Variants in NBEAL1 observed in about 807,000 individuals in gnomAD.
NBEAL1 encodes the protein neurobeachin like 1.
Under a neutral mutation model 351.3 loss-of-function variants are expected in NBEAL1, and 273 were observed. The observed-to-expected ratio is 0.78, with a 90% confidence interval of 0.70 to 0.86. The LOEUF (loss-of-function observed/expected upper bound fraction) is 0.86, where lower values mean the gene tolerates loss of function less well. Ranked by LOEUF, NBEAL1 falls within the 40% of genes least tolerant of loss-of-function variation. The probability of loss-of-function intolerance (pLI) is 0.00; values close to 1 mark genes in which losing one functional copy is unlikely to be tolerated. For synonymous variants in NBEAL1, 1,050 were observed against 1,086.4 expected (o/e 0.97, Z 0.66); for missense variants, 2,961 against 3,201.3 (o/e 0.92, Z 1.81).
rs893486620 is a variant in NBEAL1, at chr2:203,119,169, A to AT, written c.2593-3071dup. Among the ~76,000 whole-genome samples, 787 of 141,714 alleles carry AT rather than the reference A, an allele frequency of 5.6e-3. 5 individuals are homozygous for AT. Among genetic ancestry groups the AT allele is most frequent in the Middle Eastern group, 0.011 (3 of 276 alleles). 93.0% of individuals were successfully genotyped at this position (141,714 alleles called of 152,430 possible). On this transcript the variant is annotated intron_variant, in intron 18 of 55. Transcript: ENST00000683969. ...TAAATTTGGGGGACTGTTGGATTCT[A>AT]TTTTTTTTTTTTTTAAAGACAGGGT...
chr2:203,016,046 T>C (rs1264246311), intron 1 of NBEAL1, 110 bp from the exon 2 acceptor site: 1 of 183,426 alleles, frequency 5.5e-6, no homozygotes, highest in Non-Finnish European at 1.1e-5. Flanking sequence ...TGTGAAAGTA[T>C]AGCGGGTTGT....
At chr2:203,133,830 A>G (rs1273777569) in intron 27 of NBEAL1, among the ~76,000 whole-genome samples, 1 of 151,422 alleles carries the variant, frequency 6.6e-6, no homozygotes, top group African/African-American at 2.4e-5. Context: ...AGAAAAATAT[A>G]TATATTTGTT....
intron 2 of NBEAL1, among the ~76,000 whole-genome samples, chr2:203,019,910 A>G (rs1334423903): frequency 1.3e-5 from 2 of 152,312 alleles, no homozygotes; most frequent in East Asian, 3.9e-4. Flanking sequence ...TACCAGTTTC[A>G]GTTTTTAGCA....
intron 7 of NBEAL1, 63 bp from the exon 8 acceptor site, chr2:203,077,689 A>C: frequency 3.1e-6 from 3 of 976,890 alleles, no homozygotes; most frequent in Non-Finnish European, 4.2e-6. Context: ...GACATTCCTT[A>C]GAGATAAATC....
chr2:203,197,360 C>A lies in NBEAL1; in HGVS notation c.7097C>A (p.Ser2366Tyr), dbSNP rs768811439. 1.9e-6 allele frequency: 3 copies of A among 1,603,460 alleles called. No individual in the cohort carries two copies. In the East Asian group the frequency reaches 6.7e-5, roughly 36 times the overall value. Residue 2366 changes from serine (S) to tyrosine (Y), a missense_variant, in exon 48 of 56, where the codon TCT becomes TAT. By Grantham distance (144) the Ser-to-Tyr change is moderately radical. Transcript: ENST00000683969. ...KATIPKNQYRSFMSQGSPELL... is the reference protein window; with the variant it reads ...KATIPKNQYRYFMSQGSPELL... ...ACCATCCCCAAAAATCAGTATCGTTCTTTTATGTCTCAAGGCAGCCCTGAG... is the reference window on the plus strand; with the variant it reads ...ACCATCCCCAAAAATCAGTATCGTTATTTTATGTCTCAAGGCAGCCCTGAG...
In NBEAL1 at chr2:203,191,391, T is replaced by C. The variant is rs1303676703; in HGVS notation, c.6921+1002T>C. 4 of 266,312 alleles carry C rather than the reference T, an allele frequency of 1.5e-5. No individual in the cohort carries two copies. In the East Asian group the frequency reaches 2.1e-4, roughly 14 times the overall value. The allele number at this position is 266,312 out of a possible 1,614,324, so 16.5% of individuals were successfully genotyped here. A position where few individuals can be genotyped will look rare whatever the true frequency, so the allele number is the denominator to read the frequency against. On this transcript the variant is annotated intron_variant, in intron 46 of 55. Coordinates refer to ENST00000683969, the MANE Select transcript of NBEAL1 (RefSeq NM_001378026.1). ...AATCAAATTATTAAATATTACTACA[T>C]ATATTTCTTTCCCTATACTGGTATC...
At chr2:203,150,477 A>G (rs1013489447) in intron 34 of NBEAL1, among the ~76,000 whole-genome samples, 2 of 151,992 alleles carry the variant, frequency 1.3e-5, no homozygotes, top group Admixed American at 1.3e-4. Flanking sequence ...GATCATATAT[A>G]TGATTTTCAG....
At chr2:203,023,112 A>T (rs939848407) in intron 2 of NBEAL1, among the ~76,000 whole-genome samples, 1 of 152,220 alleles carries the variant, frequency 6.6e-6, no homozygotes, top group Admixed American at 6.5e-5. Flanking sequence ...AAATGGAATT[A>T]GTGAATATCT....
At chr2:203,128,241 C>T (rs1314434098) in intron 24 of NBEAL1, among the ~76,000 whole-genome samples, 1 of 150,112 alleles carries the variant, frequency 6.7e-6, no homozygotes, top group Admixed American at 6.7e-5. Context: ...TGTGCACCCC[C>T]ACACTGAGCT....
chr2:203,167,865 G>A (rs1055969942), intron 38 of NBEAL1, among the ~76,000 whole-genome samples: 22 of 152,086 alleles, frequency 1.4e-4, no homozygotes, highest in African/African-American at 9.7e-5. Context: ...TTCACTTGAG[G>A]TCAGACAGGT....
At position 203,193,930 on chromosome 2, in the gene NBEAL1, ATATCAAAAAGAGTTTT is replaced by A. The variant is rs745672361; in HGVS notation, c.7038+20_7038+35del. On this transcript the variant is annotated intron_variant, in intron 47 of 55. Coordinates refer to ENST00000683969, the MANE Select transcript of NBEAL1 (RefSeq NM_001378026.1). ...TATAGAGGTAATATCCTACTTGGTA[ATATCAAAAAGAGTTTT>A]CTCTAAATTCTGTACATTTTAAAGT... The A allele has an allele frequency of 1.4e-6, 2 of 1,385,056 alleles. No homozygotes were observed. The highest frequency in any genetic ancestry group is 1.0e-6 in the Non-Finnish European group (1 of 985,588). The allele number at this position is 1,385,056 out of a possible 1,614,324, so 85.8% of individuals were successfully genotyped here.
chr2:203,110,070 CTTTATGGT>C, intron 14 of NBEAL1, 72 bp from the exon 15 acceptor site: 1 of 1,339,006 alleles, frequency 7.5e-7, no homozygotes, highest in Non-Finnish European at 1.0e-6. Flanking sequence ...TTCATGATGG[CTTTATGGT>C]TTTATGTACT....
At chr2:203,128,070 A>C in intron 24 of NBEAL1, 133 bp downstream of exon 24, 1 of 634,180 alleles carries the variant, frequency 1.6e-6, no homozygotes, top group South Asian at 2.0e-5. Context: ...AATATTATGC[A>C]CTTAAGAAGT....
At chr2:203,216,181 A>G (rs879369870) in intron 55 of NBEAL1, among the ~76,000 whole-genome samples, 5 of 152,200 alleles carry the variant, frequency 3.3e-5, no homozygotes, top group African/African-American at 7.2e-5. Flanking sequence ...TTTATTATAC[A>G]CTGGGAAGGA....
Position 203,151,355 on chromosome 2 carries a change from T to C in NBEAL1, c.5463-110T>C, listed in dbSNP as rs1190264235. On this transcript the variant is annotated intron_variant, in intron 34 of 55. Coordinates refer to ENST00000683969, the MANE Select transcript of NBEAL1 (RefSeq NM_001378026.1). ...TCTGAAAAATAAAAATAAAATAAAA[T>C]GGTACTAAACAAATGTAAAATACTT... 2.6e-5 allele frequency: 19 copies of C among 729,842 alleles called. No individual in the cohort carries two copies. In the Admixed American group the frequency reaches 4.4e-4, roughly 17 times the overall value. The allele number at this position is 729,842 out of a possible 1,614,324, so 45.2% of individuals were successfully genotyped here. A position where few individuals can be genotyped will look rare whatever the true frequency, so the allele number is the denominator to read the frequency against.
chr2:203,151,568 A>G lies in NBEAL1; in HGVS notation c.5566A>G (p.Ser1856Gly), dbSNP rs1386813678. 2 of 1,606,122 alleles carry G rather than the reference A, an allele frequency of 1.2e-6. No homozygotes were observed. The highest frequency in any genetic ancestry group is 4.5e-5 in the East Asian group (2 of 44,644). Residue 1856 changes from serine to glycine, a missense_variant, in exon 35 of 56, where the codon AGT (serine) becomes GGT (glycine). Transcript: ENST00000683969. The stretch of plus-strand genomic sequence containing the variant: ...TAATTTCAAAACCCATGAGGAAGCT[A>G]GTGCCTTGAGAGATAATCTGGGTGA... ...NYNFKTHEEA[S>G]ALRDNLGIQH...
In NBEAL1 at chr2:203,160,361, G is replaced by A. The variant is rs182766613; in HGVS notation, c.5714+2536G>A. On this transcript the variant is annotated intron_variant, in intron 36 of 55. Coordinates refer to ENST00000683969, the MANE Select transcript of NBEAL1 (RefSeq NM_001378026.1). ...TTCCCAAAGTGCCTGGATTACAGGC[G>A]TGAGCCACCACGCCCGGCCTGGTTC... is the stretch of plus-strand genomic sequence containing the variant. 1.0e-3 allele frequency among the ~76,000 whole-genome samples: 155 copies of A among 152,264 alleles called. 2 individuals are homozygous for A. In the South Asian group the frequency reaches 0.022, roughly 22 times the overall value.
At chr2:203,190,658 C>T (rs1366990772) in intron 46 of NBEAL1, 12 of 332,018 alleles carry the variant, frequency 3.6e-5, no homozygotes, top group Non-Finnish European at 4.9e-5. Flanking sequence ...CACTTGCTTT[C>T]CAGAGCCCAA....
In NBEAL1 at chr2:203,126,880, A is replaced by G; in HGVS notation, c.3202A>G (p.Lys1068Glu). 1.3e-6 allele frequency: 2 copies of G among 1,552,966 alleles called. No homozygotes were observed. Among genetic ancestry groups the G allele is most frequent in the Non-Finnish European group, 1.7e-6 (2 of 1,147,160 alleles). Reference sequence around the variant, plus strand: ...AGACAGCAGGAGAGTTTTCCGAAAGAAGTATGGTGTGCAGTTTCTCCTAGA... The same window carrying G: ...AGACAGCAGGAGAGTTTTCCGAAAGGAGTATGGTGTGCAGTTTCTCCTAGA... The part of the protein sequence containing the change: ...IKDSRRVFRK[K>E]YGVQFLLDTL... Residue 1068 changes from lysine to glutamate, a missense_variant, in exon 23 of 56, where the codon AAG becomes GAG. Lys to Glu is a moderately conservative substitution (Grantham distance 56). Transcript: ENST00000683969.
Sources: allele counts gnomAD v4.1 joint callset (sites outside exome capture counted in the v4.1 genomes callset), GRCh38; gene constraint gnomAD v4.1.1; transcripts MANE v1.5; gene names NCBI Gene and HGNC (gene_info 2026-07-23, HGNC 2026-07-21).